Variants in NRP1 observed in about 807,000 individuals in gnomAD.
NRP1 encodes the protein neuropilin 1, also known as neuropilin-1.
Under a neutral mutation model 106.7 loss-of-function variants are expected in NRP1, and 35 were observed. That is an observed-to-expected ratio of 0.33 (90% CI 0.25 to 0.43). The LOEUF is 0.43. Ranked by LOEUF, NRP1 falls within the 20% of genes least tolerant of loss-of-function variation. The probability of loss-of-function intolerance (pLI) is 1.00; values close to 1 mark genes in which losing one functional copy is unlikely to be tolerated. For synonymous variants in NRP1, 437 were observed against 417.9 expected (o/e 1.05, Z -0.56); for missense variants, 1,024 against 1,170.4 (o/e 0.87, Z 1.83).
intron 11 of NRP1, 42 bp from the exon 12 acceptor site, chr10:33,197,751 T>C (rs1476422438): frequency 1.6e-6 from 2 of 1,214,064 alleles, no homozygotes; most frequent in South Asian, 2.6e-5. Context: ...AAGAAAACAG[T>C]AGCGAATATG....
chr10:33,186,084 G>A, intron 14 of NRP1, 133 bp downstream of exon 14: 1 of 1,174,210 alleles, frequency 8.5e-7, no homozygotes, highest in Non-Finnish European at 1.2e-6. Context: ...TATCATTGCA[G>A]CAATATCTCA....
At chr10:33,200,196 G>A (rs895111396) in intron 11 of NRP1, among the ~76,000 whole-genome samples, 4 of 152,192 alleles carry the variant, frequency 2.6e-5, no homozygotes, top group African/African-American at 9.7e-5. Context: ...TTTTAAAACC[G>A]ATATGCATTA....
intron 1 of NRP1, 149 bp downstream of exon 1, chr10:33,334,161 C>T (rs997774890): frequency 5.8e-6 from 4 of 693,558 alleles, no homozygotes; most frequent in Non-Finnish European, 4.8e-6. Flanking sequence ...GATCTCATTT[C>T]TTCTTCTCTC....
intron 4 of NRP1, among the ~76,000 whole-genome samples, chr10:33,263,154 A>C (rs894690849): frequency 6.6e-6 from 1 of 152,210 alleles, no homozygotes. Context: ...TCCTTTTCCA[A>C]ATTTTTGTTT....
intron 3 of NRP1, among the ~76,000 whole-genome samples, chr10:33,266,351 A>G (rs1228201479): frequency 6.6e-6 from 1 of 152,204 alleles, no homozygotes; most frequent in Non-Finnish European, 1.5e-5. Flanking sequence ...CCTGAATCCC[A>G]GTCCTGAGAT....
chr10:33,276,238 G>C (rs1843685954), intron 2 of NRP1, among the ~76,000 whole-genome samples: 1 of 152,086 alleles, frequency 6.6e-6, no homozygotes, highest in African/African-American at 2.4e-5. Flanking sequence ...ATCAATACCT[G>C]TTTGCCTTAT....
chr10:33,297,746 A>C (rs1043264942), intron 2 of NRP1, among the ~76,000 whole-genome samples: 1 of 151,356 alleles, frequency 6.6e-6, no homozygotes, highest in African/African-American at 2.4e-5. Context: ...TCCTTCAAAC[A>C]CTTTGAGGTT....
chr10:33,313,956 C>T (rs1846807033), intron 2 of NRP1, among the ~76,000 whole-genome samples: 1 of 151,666 alleles, frequency 6.6e-6, no homozygotes, highest in Non-Finnish European at 1.5e-5. Flanking sequence ...TTCCTTCCTT[C>T]CCTCCCTCTC....
At chr10:33,256,203 T>G in intron 5 of NRP1, 113 bp downstream of exon 5, 1 of 991,516 alleles carries the variant, frequency 1.0e-6, no homozygotes, top group Non-Finnish European at 1.5e-6. Flanking sequence ...AACAGACAGC[T>G]GGCACCCCAG....
intron 11 of NRP1, chr10:33,202,431 A>T: frequency 1.9e-6 from 1 of 533,066 alleles, no homozygotes; most frequent in Non-Finnish European, 3.1e-6. Context: ...CCCAACTTAA[A>T]AGCCGCACTT....
intron 15 of NRP1, among the ~76,000 whole-genome samples, chr10:33,184,573 A>G (rs1321450005): frequency 6.6e-6 from 1 of 150,768 alleles, no homozygotes; most frequent in Non-Finnish European, 1.5e-5. Flanking sequence ...CAGTGTAGAT[A>G]TGGATGTGGG....
intron 6 of NRP1, among the ~76,000 whole-genome samples, chr10:33,242,951 C>A (rs1841132897): frequency 6.6e-6 from 1 of 152,070 alleles, no homozygotes; most frequent in African/African-American, 2.4e-5. Flanking sequence ...TATTTGTCTT[C>A]TTAAGGAAGG....
chr10:33,257,497 C>T (rs1335825044), intron 4 of NRP1, among the ~76,000 whole-genome samples: 2 of 152,100 alleles, frequency 1.3e-5, no homozygotes, highest in African/African-American at 2.4e-5. Context: ...ATTAGCCAGG[C>T]GTGGTGGGCA....
At chr10:33,255,333 G>A (rs559759765) in intron 5 of NRP1, among the ~76,000 whole-genome samples, 92 of 152,202 alleles carry the variant, frequency 6.0e-4, no homozygotes, top group African/African-American at 2.1e-3. Flanking sequence ...AGTGAGATCT[G>A]GTGTAGAAGA....
chr10:33,212,787 C>G (rs1432128808), intron 9 of NRP1: 1 of 157,388 alleles, frequency 6.4e-6, no homozygotes, highest in East Asian at 1.9e-4. Flanking sequence ...TCTCCTGCTT[C>G]AGCCTCCAGA....
At chr10:33,233,882 T>C (rs1466549526) in intron 6 of NRP1, among the ~76,000 whole-genome samples, 1 of 152,232 alleles carries the variant, frequency 6.6e-6, no homozygotes, top group African/African-American at 2.4e-5. Context: ...TTTCCTTAGA[T>C]AAAACACATG....
chr10:33,238,151 G>C (rs1206956173), intron 6 of NRP1, among the ~76,000 whole-genome samples: 2 of 152,164 alleles, frequency 1.3e-5, no homozygotes, highest in Non-Finnish European at 2.9e-5. Flanking sequence ...GCATTCCTGG[G>C]AATGAGACAA....
At chr10:33,267,504 T>C (rs1485710517) in intron 3 of NRP1, among the ~76,000 whole-genome samples, 1 of 152,086 alleles carries the variant, frequency 6.6e-6, no homozygotes, top group Non-Finnish European at 1.5e-5. Context: ...GATACTCTCT[T>C]TGGAATTATT....
intron 6 of NRP1, chr10:33,249,442 G>A (rs1450394297): frequency 3.8e-6 from 2 of 524,312 alleles, no homozygotes; most frequent in South Asian, 2.9e-5. Flanking sequence ...TTATTTTATA[G>A]GAAAAGAAAC....
Sources: allele counts gnomAD v4.1 joint callset (sites outside exome capture counted in the v4.1 genomes callset), GRCh38; gene constraint gnomAD v4.1.1; transcripts MANE v1.5; gene names NCBI Gene and HGNC (gene_info 2026-07-23, HGNC 2026-07-21).